CCDC122: variants seen among roughly 807,000 people sequenced by gnomAD.
CCDC122 encodes the protein coiled-coil domain containing 122.
CCDC122 carries 38 observed loss-of-function variants against 37.0 expected under a neutral mutation model. The ratio of observed to expected loss-of-function variants is 1.03; its 90% CI spans 0.79 to 1.35. CCDC122 has a LOEUF of 1.35. Ranked by LOEUF, CCDC122 falls within the 40% of genes most tolerant of loss-of-function variation. The probability of loss-of-function intolerance (pLI) is 0.00; values close to 1 mark genes in which losing one functional copy is unlikely to be tolerated. For synonymous variants in CCDC122, 83 were observed against 95.6 expected (o/e 0.87, Z 0.77); for missense variants, 305 against 310.0 (o/e 0.98, Z 0.12).
chr13:43,833,391 T>C (rs1370488883), downstream of CCDC122, among the ~76,000 whole-genome samples: 1 of 152,206 alleles, frequency 6.6e-6, no homozygotes, highest in African/African-American at 2.4e-5. Flanking sequence ...AAGTCCACAG[T>C]AGAAACAGTA....
intron 4 of CCDC122, among the ~76,000 whole-genome samples, chr13:43,861,587 C>CT (rs1194957325): frequency 1.3e-5 from 2 of 152,106 alleles, no homozygotes; most frequent in African/African-American, 4.8e-5. Context: ...TATGGTCATT[C>CT]TTTTTAAGTA....
intron 3 of CCDC122, among the ~76,000 whole-genome samples, chr13:43,829,571 G>T (rs1418162397): frequency 6.6e-6 from 1 of 152,076 alleles, no homozygotes; most frequent in Non-Finnish European, 1.5e-5. Flanking sequence ...CTCCCAAAGT[G>T]CTGGGATTAC....
At chr13:43,833,267 T>C (rs550594573), downstream of CCDC122, among the ~76,000 whole-genome samples, 1 of 152,208 alleles carries the variant, frequency 6.6e-6, no homozygotes, top group South Asian at 2.1e-4. Context: ...TTGCATTTGT[T>C]ACCTTTTACT....
downstream of CCDC122, among the ~76,000 whole-genome samples, chr13:43,835,456 A>G (rs2153868829): frequency 6.6e-6 from 1 of 152,310 alleles, no homozygotes; most frequent in East Asian, 1.9e-4. Context: ...AAATTAAAGT[A>G]TAATAAAAAA....
chr13:43,859,766 T>C lies in CCDC122; in HGVS notation c.461A>G (p.Glu154Gly). ...SKWSFMTELH[E>G]KRDFVKKLKT... ...TAATTTTTTAACAAAATCTCGCTTTTCATGGAGTTCAGTCATAAATGACCA... is the reference window on the plus strand; with the variant it reads ...TAATTTTTTAACAAAATCTCGCTTTCCATGGAGTTCAGTCATAAATGACCA... Residue 154 changes from glutamate to glycine, a missense_variant, in exon 5 of 7, where the codon GAA (glutamate) becomes GGA (glycine). Coordinates refer to ENST00000444614, the MANE Select transcript of CCDC122 (RefSeq NM_144974.5). 6.2e-7 allele frequency: 1 copy of C among 1,600,414 alleles called. No individual in the cohort carries two copies. Among genetic ancestry groups the C allele is most frequent in the East Asian group, 2.2e-5 (1 of 44,468 alleles).
At chr13:43,842,626 G>A (rs530556481) in intron 6 of CCDC122, among the ~76,000 whole-genome samples, 3 of 151,956 alleles carry the variant, frequency 2.0e-5, no homozygotes, top group Admixed American at 6.5e-5. Flanking sequence ...GGGGAAATTT[G>A]ACACTAATAA....
At chr13:43,844,582 A>T (rs1048776531) in intron 6 of CCDC122, among the ~76,000 whole-genome samples, 1 of 152,092 alleles carries the variant, frequency 6.6e-6, no homozygotes, top group African/African-American at 2.4e-5. Context: ...TACTCAAAAA[A>T]GTTAAGATAT....
At chr13:43,832,348 T>G (rs1040815961), downstream of CCDC122, among the ~76,000 whole-genome samples, 1 of 152,156 alleles carries the variant, frequency 6.6e-6, no homozygotes, top group African/African-American at 2.4e-5. Flanking sequence ...TCTGAATTCC[T>G]GACTCCCCCG....
At chr13:43,871,363 C>A (rs1954446782) in intron 2 of CCDC122, among the ~76,000 whole-genome samples, 1 of 152,092 alleles carries the variant, frequency 6.6e-6, no homozygotes, top group Non-Finnish European at 1.5e-5. Context: ...CATGCTCTTA[C>A]CTAGCAGTAA....
At chr13:43,820,818 T>C (rs1478587267), downstream of CCDC122, among the ~76,000 whole-genome samples, 1 of 152,242 alleles carries the variant, frequency 6.6e-6, no homozygotes, top group Non-Finnish European at 1.5e-5. Flanking sequence ...TTTATAGTGT[T>C]GCTGTGGCTC....
chr13:43,855,241 C>G (rs1953866407), intron 6 of CCDC122: 1 of 151,994 alleles, frequency 6.6e-6, no homozygotes, highest in Admixed American at 6.6e-5. Context: ...AGTCCTGGCC[C>G]AAAAGCTTCT....
chr13:43,854,926 C>T (rs543464619), intron 6 of CCDC122: 1 of 152,040 alleles, frequency 6.6e-6, no homozygotes, highest in African/African-American at 2.4e-5. Context: ...AATTTAACAA[C>T]GATTCATGTT....
chr13:43,837,503 C>T lies in CCDC122; in HGVS notation c.673-74G>A, dbSNP rs1594814992. ...TAAACAGCCATAAATAATATTTTGA[C>T]TACTCTAAAGAGGGAAGCACTTAAT... is the stretch of plus-strand genomic sequence containing the variant. On this transcript the variant is annotated intron_variant, in intron 6 of 6. Coordinates refer to ENST00000444614, the MANE Select transcript of CCDC122 (RefSeq NM_144974.5). 6 of 1,358,054 alleles carry T rather than the reference C, an allele frequency of 4.4e-6. No individual in the cohort carries two copies. The East Asian group carries it at 1.4e-4, about 32-fold the overall frequency. 84.1% of individuals were successfully genotyped at this position (1,358,054 alleles called of 1,614,324 possible). A position where few individuals can be genotyped will look rare whatever the true frequency, so the allele number is the denominator to read the frequency against.
chr13:43,844,161 A>G (rs945283939), intron 6 of CCDC122, among the ~76,000 whole-genome samples: 1 of 151,848 alleles, frequency 6.6e-6, no homozygotes, highest in African/African-American at 2.4e-5. Context: ...TTTCTATTAT[A>G]GGCATTAAAA....
intron 4 of CCDC122, among the ~76,000 whole-genome samples, chr13:43,862,156 T>G (rs1954127655): frequency 6.6e-6 from 1 of 152,316 alleles, no homozygotes; most frequent in Middle Eastern, 3.4e-3. Context: ...GGTTTCCCAT[T>G]GCATTAATAA....
intron 1 of CCDC122, among the ~76,000 whole-genome samples, chr13:43,878,551 G>A (rs576441546): frequency 1.3e-5 from 2 of 152,182 alleles, no homozygotes; most frequent in South Asian, 4.2e-4. Context: ...CCTACCAAAT[G>A]AGCAACAATG....
At chr13:43,833,251 G>A (rs538136673), downstream of CCDC122, among the ~76,000 whole-genome samples, 289 of 152,098 alleles carry the variant, frequency 1.9e-3, 2 homozygotes, top group African/African-American at 6.6e-3. Context: ...CCCTCCCTCC[G>A]CTTCCTTGCA....
downstream of CCDC122, chr13:43,836,301 T>G (rs1566938993): frequency 6.6e-6 from 1 of 152,270 alleles, no homozygotes; most frequent in Non-Finnish European, 1.5e-5. Flanking sequence ...AGTAATACTC[T>G]TAAGAGTTAC....
chr13:43,862,171 T>A (rs1176676845), intron 4 of CCDC122, among the ~76,000 whole-genome samples: 1 of 152,202 alleles, frequency 6.6e-6, no homozygotes, highest in Non-Finnish European at 1.5e-5. Context: ...TAATAAAAAA[T>A]TTCAAATTCC....
Sources: gnomAD v4.1 joint callset for allele counts (sites outside exome capture counted in the v4.1 genomes callset) on GRCh38, gnomAD v4.1.1 for gene constraint, MANE v1.5 for transcripts, NCBI Gene and HGNC (gene_info 2026-07-23, HGNC 2026-07-21) for gene names.